LUZP2: variants seen among roughly 807,000 people sequenced by gnomAD.
LUZP2 encodes the protein leucine zipper protein 2.
LUZP2 carries 52 observed loss-of-function variants against 51.6 expected under a neutral mutation model. The observed-to-expected ratio is 1.01, with a 90% CI of 0.81 to 1.27. The LOEUF (loss-of-function observed/expected upper bound fraction) is 1.27, where lower values mean the gene tolerates loss of function less well. LUZP2 is among the 50% of genes most tolerant of loss of function. The pLI, the probability that LUZP2 is intolerant of heterozygous loss-of-function variation, is 0.00. For synonymous variants in LUZP2, 154 were observed against 137.3 expected, an observed-to-expected ratio of 1.12 and a Z score of -0.85; for missense variants, 436 against 395.4, an observed-to-expected ratio of 1.10 and a Z score of -0.87.
intron 7 of LUZP2, among the ~76,000 whole-genome samples, chr11:24,936,481 A>C (rs902002319): frequency 5.3e-5 from 8 of 152,180 alleles, no homozygotes; most frequent in Non-Finnish European, 1.2e-4. Flanking sequence ...TTATCTCCTC[A>C]AAAACATTGC....
chr11:24,644,680 T>C (rs1353503690), intron 1 of LUZP2, among the ~76,000 whole-genome samples: 1 of 152,038 alleles, frequency 6.6e-6, no homozygotes, highest in Non-Finnish European at 1.5e-5. Context: ...GATGCCAGTG[T>C]TGGAGGCAGC....
intron 2 of LUZP2, among the ~76,000 whole-genome samples, chr11:24,729,814 A>G (rs1316202717): frequency 6.6e-6 from 1 of 151,942 alleles, no homozygotes; most frequent in Non-Finnish European, 1.5e-5. Flanking sequence ...TTTGACATAA[A>G]CATTGTATTT....
chr11:24,943,195 G>C (rs778105685), intron 7 of LUZP2, among the ~76,000 whole-genome samples: 26 of 152,130 alleles, frequency 1.7e-4, no homozygotes, highest in Non-Finnish European at 3.2e-4. Flanking sequence ...TTCTGGGTTT[G>C]CCGCTGAATA....
chr11:24,498,560 G>C (rs1216463975), intron 1 of LUZP2, among the ~76,000 whole-genome samples: 2 of 152,132 alleles, frequency 1.3e-5, no homozygotes, highest in African/African-American at 4.8e-5. Flanking sequence ...ATGTAAGTTT[G>C]ATTCTTCATT....
intron 7 of LUZP2, among the ~76,000 whole-genome samples, chr11:24,961,410 G>T (rs1017510438): frequency 6.6e-6 from 1 of 152,114 alleles, no homozygotes; most frequent in Non-Finnish European, 1.5e-5. Flanking sequence ...CTCAGGACTT[G>T]CTTTATGAAT....
chr11:24,886,468 G>A (rs1262358347), intron 5 of LUZP2, among the ~76,000 whole-genome samples: 1 of 152,034 alleles, frequency 6.6e-6, no homozygotes, highest in Admixed American at 6.6e-5. Context: ...CCATATATGT[G>A]TTTCTCATTT....
intron 9 of LUZP2, among the ~76,000 whole-genome samples, chr11:24,997,514 T>C (rs1422557796): frequency 2.0e-5 from 3 of 152,232 alleles, no homozygotes; most frequent in African/African-American, 7.2e-5. Context: ...AGGTTCTAGA[T>C]ATTAGCCCTT....
At chr11:24,650,732 G>A (rs1426242972) in intron 1 of LUZP2, among the ~76,000 whole-genome samples, 2 of 152,026 alleles carry the variant, frequency 1.3e-5, no homozygotes, top group Non-Finnish European at 1.5e-5. Context: ...AACTATTGAA[G>A]TAAAATAACC....
intron 5 of LUZP2, among the ~76,000 whole-genome samples, chr11:24,770,216 C>T (rs145594394): frequency 0.012 from 1,838 of 152,194 alleles, 21 homozygotes; most frequent in Non-Finnish European, 0.018. Flanking sequence ...TTGTCTGTAA[C>T]GGTCTGAGAT....
intron 1 of LUZP2, among the ~76,000 whole-genome samples, chr11:24,535,991 G>A (rs985896562): frequency 4.0e-5 from 6 of 151,624 alleles, no homozygotes; most frequent in East Asian, 1.9e-4. Flanking sequence ...AGACATAAAA[G>A]CAACGTTAAT....
chr11:24,545,998 G>A (rs1389037140), intron 1 of LUZP2, among the ~76,000 whole-genome samples: 6 of 151,810 alleles, frequency 4.0e-5, no homozygotes, highest in Non-Finnish European at 7.4e-5. Flanking sequence ...GATTTTTCAC[G>A]TCCCTGGTTA....
At chr11:24,694,613 C>T (rs899394771) in intron 1 of LUZP2, among the ~76,000 whole-genome samples, 16 of 152,040 alleles carry the variant, frequency 1.1e-4, no homozygotes, top group Non-Finnish European at 1.2e-4. Flanking sequence ...TATAAAGACA[C>T]GTGCACACAT....
intron 1 of LUZP2, among the ~76,000 whole-genome samples, chr11:24,610,367 G>A (rs1183399865): frequency 6.6e-5 from 10 of 152,106 alleles, no homozygotes; most frequent in African/African-American, 1.9e-4. Context: ...AGAAAAAAAC[G>A]GTAGGCAGCA....
chr11:24,634,275 C>A (rs955417985), intron 1 of LUZP2, among the ~76,000 whole-genome samples: 1 of 151,814 alleles, frequency 6.6e-6, no homozygotes, highest in Non-Finnish European at 1.5e-5. Context: ...GCACAGATAC[C>A]CTGGAAGTAC....
At chr11:24,780,906 A>G (rs766036683) in intron 5 of LUZP2, among the ~76,000 whole-genome samples, 1 of 152,154 alleles carries the variant, frequency 6.6e-6, no homozygotes, top group East Asian at 1.9e-4. Flanking sequence ...TGAGCTAGCT[A>G]GGCCTTGCCA....
intron 7 of LUZP2, among the ~76,000 whole-genome samples, chr11:24,971,241 T>C (rs1368432434): frequency 6.6e-6 from 1 of 152,082 alleles, no homozygotes; most frequent in East Asian, 1.9e-4. Context: ...GGTTTCATGA[T>C]TATTCAAGTG....
At chr11:24,891,512 T>C in intron 5 of LUZP2, 5 of 958,774 alleles carry the variant, frequency 5.2e-6, no homozygotes, top group Non-Finnish European at 6.2e-6. Context: ...TATGCGAAAA[T>C]CAAAAGGAAG....
chr11:24,926,591 G>A (rs578004475), intron 7 of LUZP2, among the ~76,000 whole-genome samples: 4 of 146,032 alleles, frequency 2.7e-5, no homozygotes, highest in Non-Finnish European at 6.0e-5. Flanking sequence ...ATATATGTGT[G>A]TATATATATG....
At chr11:24,928,807 A>G (rs1854356019) in intron 7 of LUZP2, among the ~76,000 whole-genome samples, 1 of 152,090 alleles carries the variant, frequency 6.6e-6, no homozygotes, top group Non-Finnish European at 1.5e-5. Context: ...GATTGGTACC[A>G]ATTCTTCTTT....
Sources: gnomAD v4.1 joint callset for allele counts (sites outside exome capture counted in the v4.1 genomes callset) on GRCh38, gnomAD v4.1.1 for gene constraint, MANE v1.5 for transcripts, NCBI Gene and HGNC (gene_info 2026-07-23, HGNC 2026-07-21) for gene names.